Variants in RBMS3 observed in about 807,000 individuals in gnomAD.
RBMS3 encodes RNA binding motif single stranded interacting protein 3.
A neutral mutation model predicts 66.8 loss-of-function variants in RBMS3; 27 were observed. That is an observed-to-expected ratio of 0.40 (90% confidence interval 0.30 to 0.56). RBMS3 has a LOEUF of 0.56. Ranked by LOEUF, RBMS3 falls within the 20% of genes least tolerant of loss-of-function variation. RBMS3 has a pLI of 0.40. For synonymous variants in RBMS3, 188 were observed against 183.0 expected (o/e 1.03, Z -0.22); for missense variants, 513 against 549.5 (o/e 0.93, Z 0.66).
At chr3:29,495,268 A>G (rs1421912652) in intron 3 of RBMS3, among the ~76,000 whole-genome samples, 2 of 152,142 alleles carry the variant, frequency 1.3e-5, no homozygotes, top group Non-Finnish European at 1.5e-5. Flanking sequence ...TAAACTCACA[A>G]TCATGTTATA....
intron 2 of RBMS3, among the ~76,000 whole-genome samples, chr3:29,438,427 G>A (rs572870640): frequency 1.1e-4 from 17 of 151,836 alleles, no homozygotes; most frequent in Non-Finnish European, 2.4e-4. Context: ...GCTAATGAAC[G>A]GTAAGAAAAT....
chr3:29,610,638 T>C (rs537975933), intron 4 of RBMS3, among the ~76,000 whole-genome samples: 1 of 152,180 alleles, frequency 6.6e-6, no homozygotes, highest in Non-Finnish European at 1.5e-5. Flanking sequence ...GGAACTGAAA[T>C]AATAGATACC....
intron 6 of RBMS3, among the ~76,000 whole-genome samples, chr3:29,812,495 T>C (rs2057756936): frequency 6.6e-6 from 1 of 152,196 alleles, no homozygotes; most frequent in East Asian, 1.9e-4. Flanking sequence ...AAGATCTAAC[T>C]TGCTCTGCCC....
At chr3:29,682,290 C>G (rs1418911486) in intron 4 of RBMS3, among the ~76,000 whole-genome samples, 1 of 151,844 alleles carries the variant, frequency 6.6e-6, no homozygotes. Context: ...GGATTACAGG[C>G]ACACGCCACC....
chr3:29,418,752 TC>T (rs1434609313), intron 1 of RBMS3, among the ~76,000 whole-genome samples: 1 of 152,194 alleles, frequency 6.6e-6, no homozygotes, highest in Admixed American at 6.5e-5. Flanking sequence ...AAAAAGTCTT[TC>T]ATATGAGTCT....
At chr3:29,626,520 T>C (rs2049066040) in intron 4 of RBMS3, among the ~76,000 whole-genome samples, 1 of 152,130 alleles carries the variant, frequency 6.6e-6, no homozygotes, top group African/African-American at 2.4e-5. Flanking sequence ...TATCTAAATA[T>C]TAGGAAATAA....
At chr3:29,866,180 G>A (rs2059360336) in intron 6 of RBMS3, among the ~76,000 whole-genome samples, 1 of 151,804 alleles carries the variant, frequency 6.6e-6, no homozygotes, top group Non-Finnish European at 1.5e-5. Context: ...TAAGGGTGAT[G>A]GATATGTTCA....
intron 3 of RBMS3, among the ~76,000 whole-genome samples, chr3:29,510,248 A>G (rs1388425883): frequency 6.6e-6 from 1 of 152,184 alleles, no homozygotes; most frequent in Non-Finnish European, 1.5e-5. Context: ...AGATCAACCC[A>G]TAGTGATTTT....
At chr3:29,436,303 T>C (rs1258017671) in intron 2 of RBMS3, among the ~76,000 whole-genome samples, 2 of 152,154 alleles carry the variant, frequency 1.3e-5, no homozygotes, top group Admixed American at 6.5e-5. Flanking sequence ...AAAATACAAA[T>C]ACATAACTGT....
intron 14 of RBMS3, among the ~76,000 whole-genome samples, chr3:30,001,022 A>G (rs1699583177): frequency 6.7e-6 from 1 of 148,852 alleles, no homozygotes; most frequent in Non-Finnish European, 1.5e-5. Context: ...TATGTATCCC[A>G]GAACTTAAAG....
At chr3:29,556,770 C>A (rs1326876917) in intron 3 of RBMS3, among the ~76,000 whole-genome samples, 5 of 152,122 alleles carry the variant, frequency 3.3e-5, no homozygotes, top group Non-Finnish European at 7.4e-5. Flanking sequence ...CTTCCTAGGG[C>A]AGTTCTTAGG....
chr3:29,394,891 C>A (rs1170578782), intron 1 of RBMS3, among the ~76,000 whole-genome samples: 1 of 152,032 alleles, frequency 6.6e-6, no homozygotes, highest in Non-Finnish European at 1.5e-5. Flanking sequence ...TTCCACTCCG[C>A]ATTCCACCTG....
At chr3:29,519,385 G>A (rs1185018459) in intron 3 of RBMS3, among the ~76,000 whole-genome samples, 1 of 152,124 alleles carries the variant, frequency 6.6e-6, no homozygotes, top group African/African-American at 2.4e-5. Context: ...TGGGATGCAA[G>A]GTGAAGAAGA....
At chr3:29,740,554 G>C (rs1180834426) in intron 5 of RBMS3, among the ~76,000 whole-genome samples, 1 of 152,204 alleles carries the variant, frequency 6.6e-6, no homozygotes, top group Admixed American at 6.5e-5. Flanking sequence ...AGTTTAAATA[G>C]TTGTACCTGC....
chr3:29,769,914 A>G (rs932200151), intron 6 of RBMS3, among the ~76,000 whole-genome samples: 30 of 151,982 alleles, frequency 2.0e-4, no homozygotes, highest in Admixed American at 1.6e-3. Flanking sequence ...ATATCTAAAT[A>G]GAGAAAGAAA....
At chr3:29,507,616 C>G (rs61173303) in intron 3 of RBMS3, among the ~76,000 whole-genome samples, 1 of 152,078 alleles carries the variant, frequency 6.6e-6, no homozygotes, top group South Asian at 2.1e-4. Flanking sequence ...TGTCTCTCTC[C>G]TCTGCACTGT....
At chr3:29,506,998 C>T (rs2044206162) in intron 3 of RBMS3, among the ~76,000 whole-genome samples, 1 of 146,616 alleles carries the variant, frequency 6.8e-6, no homozygotes, top group Non-Finnish European at 1.5e-5. Context: ...AAAGGTTTGT[C>T]AATTTTGTTT....
intron 5 of RBMS3, among the ~76,000 whole-genome samples, chr3:29,755,879 C>T (rs189787396): frequency 1.4e-4 from 22 of 152,270 alleles, no homozygotes; most frequent in African/African-American, 4.8e-4. Context: ...GGGCATAGAG[C>T]AGGACAGAGA....
At chr3:29,430,282 T>C (rs930941804) in intron 1 of RBMS3, among the ~76,000 whole-genome samples, 8 of 151,988 alleles carry the variant, frequency 5.3e-5, no homozygotes, top group African/African-American at 1.9e-4. Flanking sequence ...GATTGATTGG[T>C]TCAATAACAC....
Sources: allele counts gnomAD v4.1 joint callset (sites outside exome capture counted in the v4.1 genomes callset), GRCh38; gene constraint gnomAD v4.1.1; transcripts MANE v1.5; gene names NCBI Gene and HGNC (gene_info 2026-07-23, HGNC 2026-07-21).